Variants in ATP8A2 observed in about 807,000 individuals in gnomAD.
ATP8A2 encodes the protein phospholipid-transporting ATPase IB.
ATP8A2 carries 100 observed loss-of-function variants against 165.6 expected under a neutral mutation model. That is an observed-to-expected ratio of 0.60 (90% CI 0.51 to 0.71). The LOEUF (loss-of-function observed/expected upper bound fraction) is 0.71, where lower values mean the gene tolerates loss of function less well. Ranked by LOEUF, ATP8A2 falls within the 30% of genes least tolerant of loss-of-function variation. ATP8A2 has a pLI of 0.00. For synonymous variants in ATP8A2, 543 were observed against 548.8 expected (o/e 0.99, Z 0.15); for missense variants, 1,227 against 1,479.5 (o/e 0.83, Z 2.80).
At chr13:25,656,957 G>C (rs1001887859) in intron 24 of ATP8A2, among the ~76,000 whole-genome samples, 3 of 144,366 alleles carry the variant, frequency 2.1e-5, no homozygotes, top group African/African-American at 7.7e-5. Context: ...AGAGGCTGAG[G>C]AAGGACAATC....
intron 28 of ATP8A2, among the ~76,000 whole-genome samples, chr13:25,836,606 C>A (rs887433303): frequency 1.3e-5 from 2 of 152,180 alleles, no homozygotes; most frequent in African/African-American, 2.4e-5. Context: ...TGCCCTCCTC[C>A]ACTTCTGCAG....
At chr13:25,514,055 G>A (rs1475948530) in intron 2 of ATP8A2, among the ~76,000 whole-genome samples, 1 of 152,006 alleles carries the variant, frequency 6.6e-6, no homozygotes, top group African/African-American at 2.4e-5. Flanking sequence ...TATTGGTCTT[G>A]TATTTGTACT....
rs1004885039 is a variant in ATP8A2 at position 25,589,814 on chromosome 13, T to C, written c.2211+115T>C. On this transcript the variant is annotated intron_variant, in intron 24 of 36. Transcript: ENST00000381655. ...TGCTAAAAAACAGTTATGAAAAAAC[T>C]GTGTTTATTTTCTGTTTATATTTAT... The C allele has an allele frequency of 4.7e-6, 3 of 635,262 alleles. No individual in the cohort carries two copies. The Admixed American group carries it at 8.6e-5, about 18-fold the overall frequency. The allele number at this position is 635,262 out of a possible 1,614,324, so 39.4% of individuals were successfully genotyped here.
At chr13:25,580,105 G>C (rs1367708141) in intron 22 of ATP8A2, among the ~76,000 whole-genome samples, 158 bp downstream of exon 22, 2 of 152,140 alleles carry the variant, frequency 1.3e-5, no homozygotes, top group African/African-American at 4.8e-5. Context: ...GCTTTAAGAA[G>C]CACTTAATTT....
intron 35 of ATP8A2, among the ~76,000 whole-genome samples, chr13:25,974,534 T>A (rs927021274): frequency 3.9e-5 from 6 of 151,958 alleles, no homozygotes; most frequent in African/African-American, 1.5e-4. Flanking sequence ...GCCTTTGGAT[T>A]ACAGCTTCAA....
rs552578612 is a variant in ATP8A2 at position 25,491,955 on chromosome 13, C to CATAG, written c.221+22838_221+22841dup. On this transcript the variant is annotated intron_variant, in intron 2 of 36. Transcript: ENST00000381655. ...CAAAGGATCAAAATTCAAGTTGTTACATAGATATAAAAACCATTGAATAAA... is the reference window on the plus strand; with the variant it reads ...CAAAGGATCAAAATTCAAGTTGTTACATAGATAGATATAAAAACCATTGAATAAA... Among the ~76,000 whole-genome samples the CATAG allele has an allele frequency of 5.0e-3, 756 of 152,300 alleles. 5 individuals carry two copies. The highest frequency in any genetic ancestry group is 0.018 in the African/African-American group (733 of 41,562).
At chr13:25,990,861 G>A (rs755091955) in intron 35 of ATP8A2, among the ~76,000 whole-genome samples, 18 of 152,170 alleles carry the variant, frequency 1.2e-4, no homozygotes, top group Non-Finnish European at 2.5e-4. Flanking sequence ...CCGTGGCACG[G>A]CATTTTGCTT....
chr13:25,544,023 G>C (rs1311342573), intron 10 of ATP8A2, among the ~76,000 whole-genome samples: 2 of 152,164 alleles, frequency 1.3e-5, no homozygotes, highest in Non-Finnish European at 2.9e-5. Context: ...TTTTGCCAAT[G>C]GTGGCTATTA....
chr13:26,017,264 C>G (rs1466961088), intron 36 of ATP8A2, among the ~76,000 whole-genome samples: 5 of 152,200 alleles, frequency 3.3e-5, no homozygotes, highest in African/African-American at 1.2e-4. Context: ...ATTGCAGCTG[C>G]TGTTCTGCCA....
At chr13:25,472,582 CAAAGGAATATTTTTATA>C (rs1413251313) in intron 2 of ATP8A2, among the ~76,000 whole-genome samples, 1 of 151,918 alleles carries the variant, frequency 6.6e-6, no homozygotes, top group Non-Finnish European at 1.5e-5. Context: ...TGAAGCTATT[CAAAGGAATATTTTTATA>C]AAAGGATAAA....
intron 24 of ATP8A2, among the ~76,000 whole-genome samples, chr13:25,624,721 C>G (rs1368830632): frequency 6.6e-6 from 1 of 152,146 alleles, no homozygotes; most frequent in Non-Finnish European, 1.5e-5. Context: ...GTGAGTTACA[C>G]TTGCACAGGG....
chr13:25,498,624 G>A (rs553694222), intron 2 of ATP8A2, among the ~76,000 whole-genome samples: 1 of 152,304 alleles, frequency 6.6e-6, no homozygotes, highest in East Asian at 1.9e-4. Flanking sequence ...ATATTAGATA[G>A]CATGAATCTA....
intron 25 of ATP8A2, among the ~76,000 whole-genome samples, chr13:25,727,650 C>G (rs1399338937): frequency 6.6e-6 from 1 of 152,104 alleles, no homozygotes; most frequent in East Asian, 1.9e-4. Flanking sequence ...CTCTAGCAAC[C>G]AAAACACATG....
chr13:25,984,913 T>A (rs1010170929), intron 35 of ATP8A2, among the ~76,000 whole-genome samples: 2 of 152,196 alleles, frequency 1.3e-5, no homozygotes, highest in Admixed American at 6.5e-5. Flanking sequence ...CATTTGAGAT[T>A]GTTTGGAAAG....
At chr13:25,702,317 T>C (rs1226390570) in intron 25 of ATP8A2, among the ~76,000 whole-genome samples, 1 of 152,210 alleles carries the variant, frequency 6.6e-6, no homozygotes, top group Non-Finnish European at 1.5e-5. Context: ...AACAGTACTT[T>C]AGGCAGCAAA....
At chr13:25,786,866 C>G (rs1404575905) in intron 27 of ATP8A2, among the ~76,000 whole-genome samples, 1 of 151,782 alleles carries the variant, frequency 6.6e-6, no homozygotes, top group Non-Finnish European at 1.5e-5. Flanking sequence ...AGCGATTCTC[C>G]TGCCTCAGCC....
At chr13:25,679,773 C>T (rs922623906) in intron 24 of ATP8A2, among the ~76,000 whole-genome samples, 1 of 152,108 alleles carries the variant, frequency 6.6e-6, no homozygotes, top group African/African-American at 2.4e-5. Flanking sequence ...TGGGCCCATT[C>T]CAGGTTAGTG....
chr13:25,936,254 A>G (rs1189589990), intron 33 of ATP8A2, among the ~76,000 whole-genome samples: 2 of 152,226 alleles, frequency 1.3e-5, no homozygotes, highest in African/African-American at 4.8e-5. Flanking sequence ...GCTCATGAGC[A>G]TGTATGCTCA....
chr13:25,666,199 T>C (rs747545989), intron 24 of ATP8A2, among the ~76,000 whole-genome samples: 6 of 151,954 alleles, frequency 3.9e-5, no homozygotes, highest in African/African-American at 1.4e-4. Context: ...ATTCGTCATT[T>C]ATTTGTTTAT....
Sources: gnomAD v4.1 joint callset for allele counts (sites outside exome capture counted in the v4.1 genomes callset) on GRCh38, gnomAD v4.1.1 for gene constraint, MANE v1.5 for transcripts, NCBI Gene and HGNC (gene_info 2026-07-23, HGNC 2026-07-21) for gene names.